The following FAM53A variants were observed in gnomAD, a reference collection of about 807,000 sequenced individuals.
The protein encoded by FAM53A is family with sequence similarity 53 member A, also known as protein FAM53A.
FAM53A carries 28 observed loss-of-function variants against 26.6 expected under a neutral mutation model. The observed-to-expected ratio is 1.05, with a 90% CI of 0.78 to 1.45. FAM53A has a LOEUF of 1.45. FAM53A is among the 40% of genes most tolerant of loss of function. The probability of loss-of-function intolerance (pLI) is 0.00; values close to 1 mark genes in which losing one functional copy is unlikely to be tolerated. For synonymous variants in FAM53A, 290 were observed against 253.1 expected, an observed-to-expected ratio of 1.15 and a Z score of -1.38; for missense variants, 650 against 575.8, an observed-to-expected ratio of 1.13 and a Z score of -1.32.
the FAM53A span, among the ~76,000 whole-genome samples, chr4:1,605,534 C>A: frequency 3.3e-5 from 5 of 152,192 alleles, no homozygotes; most frequent in Non-Finnish European, 2.9e-5. This position sits in a 1 kb window ranked among gnomAD's most constrained non-coding sequence, Gnocchi z 5.7. Context: ...CGACGCGCAA[C>A]CACTTTTGAA....
rs1200275005 is a variant in FAM53A, at chr4:1,668,783, G to A, written c.-42C>T. The A allele has an allele frequency of 3.1e-6, 5 of 1,597,336 alleles. No homozygotes were observed. The highest frequency in any genetic ancestry group is 3.4e-6 in the Non-Finnish European group (4 of 1,165,560). On this transcript the variant is annotated 5_prime_UTR_variant, in exon 2 of 5. Transcript: ENST00000308132. ...CCTCCGTCCACACCAACAGGCACTG[G>A]AGTCCTGGAACATCAGACTTGCGAA...
chr4:1,608,791 T>C, the FAM53A span, among the ~76,000 whole-genome samples: 2 of 152,178 alleles, frequency 1.3e-5, no homozygotes, highest in African/African-American at 2.4e-5. Context: ...AGCTGAACAA[T>C]GCAATACTTC....
downstream of FAM53A, among the ~76,000 whole-genome samples, chr4:1,639,211 C>T (rs541505169): frequency 9.8e-5 from 15 of 152,314 alleles, no homozygotes; most frequent in African/African-American, 3.6e-4. Flanking sequence ...CCACTCCAGC[C>T]CCACAGCCAG....
At chr4:1,658,912 C>T (rs1242531837) in intron 2 of FAM53A, among the ~76,000 whole-genome samples, 1 of 152,264 alleles carries the variant, frequency 6.6e-6, no homozygotes, top group Non-Finnish European at 1.5e-5. Context: ...GCACAGCAGC[C>T]CCTCTGCTTT....
chr4:1,588,170 G>T, the FAM53A span, among the ~76,000 whole-genome samples: 58 of 152,302 alleles, frequency 3.8e-4, 1 homozygote, highest in African/African-American at 1.3e-3. Flanking sequence ...TCCAAATAGG[G>T]TCTGGTGCGT....
At chr4:1,579,779 G>A in the FAM53A span, among the ~76,000 whole-genome samples, 1 of 152,144 alleles carries the variant, frequency 6.6e-6, no homozygotes, top group South Asian at 2.1e-4. Context: ...CCGCGCTGTG[G>A]GGATACGAAG....
intron 2 of FAM53A, among the ~76,000 whole-genome samples, chr4:1,667,056 A>G (rs2108990434): frequency 6.6e-6 from 1 of 151,246 alleles, no homozygotes; most frequent in East Asian, 1.9e-4. Flanking sequence ...TGAACCTGGG[A>G]GGTGGAGGTT....
intron 4 of FAM53A, among the ~76,000 whole-genome samples, chr4:1,652,680 TA>T: frequency 8.5e-6 from 1 of 117,188 alleles, no homozygotes; most frequent in East Asian, 2.8e-4. Context: ...ACACCACACA[TA>T]CCACAGACCA....
At chr4:1,592,519 G>C in the FAM53A span, among the ~76,000 whole-genome samples, 1 of 85,030 alleles carries the variant, frequency 1.2e-5, no homozygotes, top group African/African-American at 3.2e-5. Flanking sequence ...GGGGAAAACA[G>C]GGGCAGGAGA....
intron 3 of FAM53A, 145 bp from the exon 4 acceptor site, chr4:1,655,868 G>T: frequency 1.0e-6 from 1 of 969,316 alleles, no homozygotes; most frequent in Non-Finnish European, 1.5e-6. Context: ...CAAGATGTCC[G>T]TGGCGCACAG....
At chr4:1,632,701 A>C (rs1170117887) in intron 1 of FAM53A, among the ~76,000 whole-genome samples, 1 of 152,256 alleles carries the variant, frequency 6.6e-6, no homozygotes, top group African/African-American at 2.4e-5. Context: ...ACAGGCGTGC[A>C]TGCACGTGGG....
chr4:1,624,035 A>T (rs1476652915), intron 1 of FAM53A, among the ~76,000 whole-genome samples: 7 of 152,172 alleles, frequency 4.6e-5, no homozygotes, highest in Non-Finnish European at 5.9e-5. Context: ...CCCGTCCCAC[A>T]TTTCTGGGCA....
At chr4:1,621,905 G>A (rs373432359) in intron 1 of FAM53A, among the ~76,000 whole-genome samples, 2 of 152,168 alleles carry the variant, frequency 1.3e-5, no homozygotes, top group Non-Finnish European at 2.9e-5. Flanking sequence ...CCACAGTGGT[G>A]GTGTGGGGAG....
At chr4:1,583,250 C>T in the FAM53A span, among the ~76,000 whole-genome samples, 1 of 152,032 alleles carries the variant, frequency 6.6e-6, no homozygotes, top group African/African-American at 2.4e-5. Flanking sequence ...AGGAGGTGGG[C>T]GGAGTGTCCT....
chr4:1,577,241 C>T, the FAM53A span, among the ~76,000 whole-genome samples: 147 of 152,282 alleles, frequency 9.7e-4, 1 homozygote, highest in South Asian at 2.9e-3. Flanking sequence ...GCAGAGGGGA[C>T]CATGTGCCAG....
At chr4:1,671,823 C>T (rs1264261605) in intron 1 of FAM53A, among the ~76,000 whole-genome samples, 1 of 152,264 alleles carries the variant, frequency 6.6e-6, no homozygotes, top group African/African-American at 2.4e-5. Flanking sequence ...CCTAGAAAGG[C>T]AACAGCAGCC....
intron 2 of FAM53A, among the ~76,000 whole-genome samples, chr4:1,658,763 G>C (rs933359810): frequency 6.6e-6 from 1 of 152,258 alleles, no homozygotes; most frequent in Non-Finnish European, 1.5e-5. Flanking sequence ...GCGGGACACA[G>C]GGCCCTGCAG....
At chr4:1,651,597 G>A (rs980408341) in intron 4 of FAM53A, among the ~76,000 whole-genome samples, 9 of 151,740 alleles carry the variant, frequency 5.9e-5, no homozygotes, top group South Asian at 2.1e-4. Flanking sequence ...CTCAGTAGCC[G>A]AAGAGGGTAT....
chr4:1,637,110 G>C (rs933375058), downstream of FAM53A, among the ~76,000 whole-genome samples: 4 of 152,132 alleles, frequency 2.6e-5, no homozygotes, highest in Admixed American at 6.5e-5. Flanking sequence ...GGAGTGCCTG[G>C]GCAGACAAGC....
Sources: gnomAD v4.1 joint callset for allele counts (sites outside exome capture counted in the v4.1 genomes callset) on GRCh38, gnomAD v4.1.1 for gene constraint, Gnocchi (gnomAD v3.1) non-coding constraint, MANE v1.5 for transcripts, NCBI Gene and HGNC (gene_info 2026-07-23, HGNC 2026-07-21) for gene names.